DOP1B: variants seen among roughly 807,000 people sequenced by gnomAD.
DOP1B encodes protein DOP1B.
In DOP1B, 174 loss-of-function variants were observed where a neutral mutation model predicts 233.5. The ratio of observed to expected loss-of-function variants is 0.75; its 90% CI spans 0.66 to 0.85. The LOEUF is 0.85. DOP1B is among the 40% of genes least tolerant of loss of function. The pLI, the probability that DOP1B is intolerant of heterozygous loss-of-function variation, is 0.00. For synonymous variants in DOP1B, 1,190 were observed against 1,185.6 expected, an observed-to-expected ratio of 1.00 and a Z score of -0.08; for missense variants, 2,652 against 2,846.6, an observed-to-expected ratio of 0.93 and a Z score of 1.56.
At chr21:36,219,570 T>A in intron 10 of DOP1B, 78 bp downstream of exon 10, 1 of 1,567,664 alleles carries the variant, frequency 6.4e-7, no homozygotes, top group Non-Finnish European at 8.6e-7. Context: ...TCTTGCTTAC[T>A]ATAAATTGTG....
intron 2 of DOP1B, among the ~76,000 whole-genome samples, chr21:36,177,731 T>C (rs892459985): frequency 6.6e-6 from 1 of 152,196 alleles, no homozygotes; most frequent in East Asian, 1.9e-4. Flanking sequence ...TCGGCCTCCT[T>C]GCCATGTGAT....
intron 19 of DOP1B, among the ~76,000 whole-genome samples, 155 bp from the exon 20 acceptor site, chr21:36,247,362 G>A (rs1032623438): frequency 3.3e-5 from 5 of 152,156 alleles, no homozygotes; most frequent in African/African-American, 4.8e-5. Flanking sequence ...ACAAAGGATG[G>A]TTAACATTAT....
Position 36,245,660 on chromosome 21 carries a change from A to G in DOP1B, c.3680A>G (p.His1227Arg), listed in dbSNP as rs1569047289. Residue 1227 changes from histidine to arginine, a missense_variant, in exon 19 of 37, where the codon CAC (histidine) becomes CGC (arginine). His to Arg is a conservative substitution (Grantham distance 29). Coordinates refer to ENST00000691173, the MANE Select transcript of DOP1B (RefSeq NM_001320714.2). The surrounding 1 kb of genome is among the most constrained non-coding windows in gnomAD (Gnocchi z 5.5). ...GAGGCCGTCGAGGCCTTGTTCAAGC[A>G]CATCCTGCTCTACCTGCAGCCCTAC... ...RQEAVEALFK[H>R]ILLYLQPYDS... The G allele has an allele frequency of 1.2e-6, 2 of 1,613,542 alleles. No homozygotes were observed. The highest frequency in any genetic ancestry group is 1.7e-6 in the Non-Finnish European group (2 of 1,179,990).
chr21:36,244,105 C>A (rs1325422632), intron 18 of DOP1B, among the ~76,000 whole-genome samples: 1 of 140,172 alleles, frequency 7.1e-6, no homozygotes, highest in African/African-American at 2.7e-5. Context: ...CAGCTCACTG[C>A]AACTTCCATC....
At chr21:36,214,577 T>C (rs778763878) in intron 9 of DOP1B, 21 bp downstream of exon 9, 1 of 1,601,708 alleles carries the variant, frequency 6.2e-7, no homozygotes, top group South Asian at 1.1e-5. Context: ...AAATGCTGCT[T>C]CTATCCTATG....
In DOP1B at chr21:36,245,999, G is replaced by A. The variant is rs1468623114; in HGVS notation, c.4019G>A (p.Gly1340Asp). ...YLKVSHRDIL[G>D]NRDVQVKSVE... ...AAGGTCTCGCACCGAGACATTCTCG[G>A]CAACCGGGACGTGCAGGTCAAAAGT... is the stretch of plus-strand genomic sequence containing the variant. The change falls in exon 19 of 37, where the codon GGC becomes GAC. Residue 1340 changes from glycine (G) to aspartate (D), a missense_variant. By Grantham distance (94) the Gly-to-Asp change is moderately conservative (BLOSUM62 -1). Coordinates refer to ENST00000691173, the MANE Select transcript of DOP1B (RefSeq NM_001320714.2). The surrounding 1 kb of genome is among the most constrained non-coding windows in gnomAD (Gnocchi z 5.5). 1 of 1,613,914 alleles carries A rather than the reference G, an allele frequency of 6.2e-7. No homozygotes were observed. Among genetic ancestry groups the A allele is most frequent in the Non-Finnish European group, 8.5e-7 (1 of 1,180,016 alleles).
rs2066244269 is a variant in DOP1B at position 36,192,444 on chromosome 21, A to T, written c.139-6626A>T. ...GCCCAGGCTGGAGTACAGTGGCATGATCACAGCTCACTGCAGCCTCAACCT... is the reference window on the plus strand; with the variant it reads ...GCCCAGGCTGGAGTACAGTGGCATGTTCACAGCTCACTGCAGCCTCAACCT... On this transcript the variant is annotated intron_variant, in intron 2 of 36. Transcript: ENST00000691173. 2.0e-5 allele frequency among the ~76,000 whole-genome samples: 3 copies of T among 148,386 alleles called. No homozygotes were observed. In the South Asian group the frequency reaches 6.4e-4, roughly 32 times the overall value.
chr21:36,275,939 C>T lies in DOP1B; in HGVS notation c.5633-1082C>T, dbSNP rs544418249. ...TGCTGGGTAGTTAGGCAGTAGGACT[C>T]AGGGACTGGAAAGCTGTCCTAGGAT... On this transcript the variant is annotated intron_variant, in intron 27 of 36. Coordinates refer to ENST00000691173, the MANE Select transcript of DOP1B (RefSeq NM_001320714.2). Among the ~76,000 whole-genome samples the T allele has an allele frequency of 4.7e-4, 71 of 152,142 alleles. 2 individuals carry two copies. Among genetic ancestry groups the T allele is most frequent in the Middle Eastern group, 3.4e-3 (1 of 294 alleles).
chr21:36,218,810 C>G (rs2066591004), intron 9 of DOP1B, among the ~76,000 whole-genome samples: 1 of 152,204 alleles, frequency 6.6e-6, no homozygotes, highest in South Asian at 2.1e-4. Flanking sequence ...GGAAGCTTCT[C>G]TAACATGCAG....
intron 2 of DOP1B, among the ~76,000 whole-genome samples, chr21:36,195,340 C>CAAAAA (rs60003046): frequency 1.2e-5 from 1 of 84,094 alleles, no homozygotes. Flanking sequence ...GACTCTGGCT[C>CAAAAA]AAAAAAAAAA....
At chr21:36,254,003 G>A in intron 23 of DOP1B, 94 bp downstream of exon 23, 1 of 1,471,636 alleles carries the variant, frequency 6.8e-7, no homozygotes. Flanking sequence ...TGGGAGGGAA[G>A]GATAGGTAAC....
Position 36,230,987 on chromosome 21 carries a change from G to T in DOP1B, c.2203G>T (p.Val735Leu). 1 of 1,614,182 alleles carries T rather than the reference G, an allele frequency of 6.2e-7. No individual in the cohort carries two copies. The highest frequency in any genetic ancestry group is 8.5e-7 in the Non-Finnish European group (1 of 1,180,044). ...CGGGGGAGAATGGGATGTTGAGAAGGTGGTCATTGACCTGGGGGGTTCCAG... is the reference window on the plus strand; with the variant it reads ...CGGGGGAGAATGGGATGTTGAGAAGTTGGTCATTGACCTGGGGGGTTCCAG... Reference protein sequence around the residue: ...KNGGEWDVEKVVIDLGGSREE... With the variant: ...KNGGEWDVEKLVIDLGGSREE... Residue 735 changes from valine to leucine, a missense_variant, in exon 14 of 37, where the codon GTG becomes TTG. Physicochemically the swap from Val to Leu is conservative, Grantham distance 32 (BLOSUM62 1). This residue lies in a region of DOP1B where 2,617 missense variants were observed against 2,794.3 expected (regional missense o/e 0.94). Coordinates refer to ENST00000691173, the MANE Select transcript of DOP1B (RefSeq NM_001320714.2).
In DOP1B at chr21:36,245,705, A is replaced by G. The variant is rs545986423; in HGVS notation, c.3725A>G (p.Tyr1242Cys). Residue 1242 changes from tyrosine (Y) to cysteine (C), a missense_variant, in exon 19 of 37, where the codon TAT (tyrosine) becomes TGT (cysteine). Tyr to Cys is a radical substitution (Grantham distance 194). Transcript: ENST00000691173. This position sits in a 1 kb window ranked among gnomAD's most constrained non-coding sequence, Gnocchi z 5.5. ...LQPYDSRRVL[Y>C]AFSVLEAVLK... is the part of the protein sequence containing the mutation. ...CCCTACGACTCTCGGCGGGTCCTCT[A>G]TGCCTTCTCGGTGCTGGAGGCTGTG... The G allele has an allele frequency of 6.2e-6, 10 of 1,613,324 alleles. No homozygotes were observed. The highest frequency in any genetic ancestry group is 5.3e-5 in the African/African-American group (4 of 74,876).
intron 26 of DOP1B, among the ~76,000 whole-genome samples, chr21:36,268,910 C>T (rs1432264685): frequency 6.6e-5 from 10 of 152,242 alleles, no homozygotes; most frequent in Admixed American, 3.3e-4. Context: ...CCTTGTGATC[C>T]GCCTGCCTCG....
At chr21:36,210,321 C>G (rs1341356214) in intron 5 of DOP1B, among the ~76,000 whole-genome samples, 3 of 151,910 alleles carry the variant, frequency 2.0e-5, no homozygotes, top group Non-Finnish European at 4.4e-5. Context: ...GCAGCCGGGC[C>G]AACATGATGA....
chr21:36,161,258 G>A (rs531081100), intron 1 of DOP1B, among the ~76,000 whole-genome samples: 8 of 151,970 alleles, frequency 5.3e-5, no homozygotes, highest in Admixed American at 3.3e-4. Context: ...TGATTCTCCC[G>A]CCTCAGCCTC....
rs1178587649 is a variant in DOP1B at position 36,248,460 on chromosome 21, C to T, written c.4890C>T (p.Thr1630=). ...ILEELPRTVN[T]MALLWNVLRK... The stretch of plus-strand genomic sequence containing the variant: ...AAGAGCTGCCTCGAACTGTTAACAC[C>T]ATGGCCCTTCTCTGGAATGTTCTCA... Residue 1630 remains threonine, a synonymous_variant, in exon 21 of 37, where the codon ACC becomes ACT. Transcript: ENST00000691173. 4 of 1,614,128 alleles carry T rather than the reference C, an allele frequency of 2.5e-6. No homozygotes were observed. The highest frequency in any genetic ancestry group is 3.4e-6 in the Non-Finnish European group (4 of 1,180,004).
chr21:36,228,897 A>T (rs938673045), intron 13 of DOP1B, among the ~76,000 whole-genome samples: 1 of 152,102 alleles, frequency 6.6e-6, no homozygotes, highest in Non-Finnish European at 1.5e-5. Flanking sequence ...CTTGAGCCCA[A>T]CAGGTTGAGG....
chr21:36,280,211 T>G (rs528658466), intron 30 of DOP1B, 74 bp from the exon 31 acceptor site: 1 of 1,133,486 alleles, frequency 8.8e-7, no homozygotes, highest in Admixed American at 1.9e-5. Flanking sequence ...AGAGGATATG[T>G]TATTTTCTTA....
Sources: gnomAD v4.1 joint callset for allele counts (sites outside exome capture counted in the v4.1 genomes callset) on GRCh38, gnomAD v4.1.1 for gene constraint, gnomAD v4.1.1 regional missense constraint, Gnocchi (gnomAD v3.1) non-coding constraint, MANE v1.5 for transcripts, NCBI Gene and HGNC (gene_info 2026-07-23, HGNC 2026-07-21) for gene names.